Variants in RASAL2 observed in about 807,000 individuals in gnomAD.
RASAL2 encodes ras GTPase-activating protein nGAP.
A neutral mutation model predicts 128.9 loss-of-function variants in RASAL2; 58 were observed. That is an observed-to-expected ratio of 0.45 (90% CI 0.36 to 0.56). The LOEUF (loss-of-function observed/expected upper bound fraction) is 0.56. Ranked by LOEUF, RASAL2 falls within the 20% of genes least tolerant of loss-of-function variation. The probability of loss-of-function intolerance (pLI) is 0.00; values close to 1 mark genes in which losing one functional copy is unlikely to be tolerated. For synonymous variants in RASAL2, 561 were observed against 580.8 expected (o/e 0.97, Z 0.49); for missense variants, 1,360 against 1,601.6 (o/e 0.85, Z 2.57).
intron 1 of RASAL2, among the ~76,000 whole-genome samples, chr1:178,129,346 T>G (rs562498990): frequency 5.3e-5 from 8 of 152,320 alleles, no homozygotes; most frequent in African/African-American, 1.9e-4. Flanking sequence ...TGATTACTAA[T>G]GATGTTGAAC....
chr1:178,324,970 T>A (rs1668969124), intron 3 of RASAL2, among the ~76,000 whole-genome samples: 1 of 152,194 alleles, frequency 6.6e-6, no homozygotes, highest in Non-Finnish European at 1.5e-5. Flanking sequence ...GCTCCCTAGT[T>A]TCTCATAAAG....
At chr1:178,459,921 AT>A (rs1380242972) in intron 14 of RASAL2, among the ~76,000 whole-genome samples, 1 of 152,136 alleles carries the variant, frequency 6.6e-6, no homozygotes. Context: ...TATCATATGT[AT>A]TTTTTATATA....
intron 5 of RASAL2, among the ~76,000 whole-genome samples, chr1:178,433,917 CA>C (rs961906192): frequency 6.3e-4 from 89 of 140,602 alleles, no homozygotes; most frequent in East Asian, 1.8e-3. Context: ...AACTATGTCT[CA>C]AAAAAAAAAA....
At chr1:178,467,499 C>A (rs1647845504) in intron 17 of RASAL2, 78 bp downstream of exon 17, 4 of 1,265,624 alleles carry the variant, frequency 3.2e-6, no homozygotes, top group African/African-American at 1.5e-5. Context: ...CTTGCAAATG[C>A]CAAGGCAGGT....
chr1:178,387,989 G>A (rs951720395), intron 3 of RASAL2, among the ~76,000 whole-genome samples: 1 of 151,990 alleles, frequency 6.6e-6, no homozygotes, highest in Non-Finnish European at 1.5e-5. Flanking sequence ...CCAGAACATT[G>A]CAAATTAAGG....
intron 1 of RASAL2, among the ~76,000 whole-genome samples, chr1:178,239,827 G>A (rs1407657554): frequency 6.6e-6 from 1 of 151,960 alleles, no homozygotes; most frequent in Non-Finnish European, 1.5e-5. Context: ...CTATCCTCTT[G>A]ATGGCATCCT....
chr1:178,281,492 A>G (rs1666781471), intron 1 of RASAL2, among the ~76,000 whole-genome samples: 1 of 152,138 alleles, frequency 6.6e-6, no homozygotes, highest in Admixed American at 6.5e-5. Context: ...CAGTGTTGAT[A>G]CAGATTTATA....
intron 3 of RASAL2, among the ~76,000 whole-genome samples, chr1:178,359,558 T>G (rs1228117096): frequency 6.6e-6 from 1 of 152,226 alleles, no homozygotes; most frequent in Non-Finnish European, 1.5e-5. Context: ...AAACATCATT[T>G]TGGAATTTCC....
chr1:178,385,607 A>C (rs943559526), intron 3 of RASAL2, among the ~76,000 whole-genome samples: 11 of 151,834 alleles, frequency 7.2e-5, no homozygotes, highest in Non-Finnish European at 1.3e-4. Flanking sequence ...GTGCAAAATT[A>C]GCTTTTTGGA....
At position 178,404,012 on chromosome 1, in the gene RASAL2, G is replaced by A. The variant is rs866934075; in HGVS notation, c.564+13806G>A. Among the ~76,000 whole-genome samples, 46 of 151,902 alleles carry A rather than the reference G, an allele frequency of 3.0e-4. 2 individuals are homozygous for A. The highest frequency in any genetic ancestry group is 6.0e-4 in the Non-Finnish European group (41 of 67,930). ...GAGGCTGAAGCAGGCAGATCACCAG[G>A]TCAGGAGTTCGAGACCAGCCTGTCC... is the stretch of plus-strand genomic sequence containing the variant. On this transcript the variant is annotated intron_variant, in intron 4 of 17. Transcript: ENST00000367649.
intron 1 of RASAL2, among the ~76,000 whole-genome samples, chr1:178,281,017 A>G (rs1028668163): frequency 1.3e-5 from 2 of 152,188 alleles, no homozygotes; most frequent in African/African-American, 4.8e-5. Flanking sequence ...CATAACCTAT[A>G]TAAGTTAAAT....
intron 5 of RASAL2, among the ~76,000 whole-genome samples, chr1:178,433,837 A>G (rs930491939): frequency 5.9e-5 from 9 of 152,060 alleles, no homozygotes; most frequent in Admixed American, 1.3e-4. Context: ...GAATCACTTG[A>G]ACCCAGGAGG....
At chr1:178,258,992 C>T (rs1383499612) in intron 1 of RASAL2, among the ~76,000 whole-genome samples, 2 of 151,974 alleles carry the variant, frequency 1.3e-5, no homozygotes, top group East Asian at 3.9e-4. Context: ...AAGTGAAAGA[C>T]CACACATATT....
At chr1:178,226,655 CTG>C (rs1663798826) in intron 1 of RASAL2, among the ~76,000 whole-genome samples, 1 of 152,168 alleles carries the variant, frequency 6.6e-6, no homozygotes, top group African/African-American at 2.4e-5. Context: ...ATACAGAAAA[CTG>C]TATCCAGGGC....
intron 3 of RASAL2, among the ~76,000 whole-genome samples, chr1:178,301,494 G>T (rs1324042745): frequency 2.0e-5 from 3 of 151,532 alleles, no homozygotes; most frequent in African/African-American, 7.3e-5. Flanking sequence ...GTGCAATGGC[G>T]TGATCTTGGC....
chr1:178,327,675 G>T (rs1669099505), intron 3 of RASAL2, among the ~76,000 whole-genome samples: 1 of 152,148 alleles, frequency 6.6e-6, no homozygotes, highest in Non-Finnish European at 1.5e-5. Context: ...GAATCAGAAA[G>T]CATAATTGGC....
intron 1 of RASAL2, among the ~76,000 whole-genome samples, chr1:178,192,136 C>T (rs936075662): frequency 7.9e-5 from 12 of 152,050 alleles, no homozygotes; most frequent in African/African-American, 1.9e-4. Flanking sequence ...GTGAGGGGGT[C>T]GGAGGTGGGG....
intron 1 of RASAL2, among the ~76,000 whole-genome samples, chr1:178,161,126 A>G (rs1661275876): frequency 6.7e-6 from 1 of 149,378 alleles, no homozygotes; most frequent in African/African-American, 2.5e-5. Flanking sequence ...AAAAAAAAGG[A>G]TATAGTTAAA....
rs1469659808 is a variant in RASAL2, at chr1:178,160,772, G to C, written c.202+66078G>C. ...AACACTGTGAAAGAAACGTAGCTTAGTTGTTTTCAATAATGTCCAGGATTG... is the reference window on the plus strand; with the variant it reads ...AACACTGTGAAAGAAACGTAGCTTACTTGTTTTCAATAATGTCCAGGATTG... On this transcript the variant is annotated intron_variant, in intron 1 of 17. Transcript: ENST00000367649. Among the ~76,000 whole-genome samples the C allele has an allele frequency of 1.1e-4, 17 of 152,246 alleles. 1 individual carries two copies. The highest frequency in any genetic ancestry group is 6.5e-5 in the Admixed American group (1 of 15,282).
Sources: allele counts gnomAD v4.1 joint callset (sites outside exome capture counted in the v4.1 genomes callset), GRCh38; gene constraint gnomAD v4.1.1; transcripts MANE v1.5; gene names NCBI Gene and HGNC (gene_info 2026-07-23, HGNC 2026-07-21).